The following ARHGAP32 variants were observed in gnomAD, a reference collection of about 807,000 sequenced individuals.
The protein encoded by ARHGAP32 is rho GTPase-activating protein 32.
Under a neutral mutation model 186.5 loss-of-function variants are expected in ARHGAP32, and 51 were observed. That is an observed-to-expected ratio of 0.27 (90% confidence interval 0.22 to 0.35). The LOEUF is 0.35. ARHGAP32 is among the 10% of genes least tolerant of loss of function. The pLI is 1.00. For missense variants in ARHGAP32, 2,186 were observed against 2,623.5 expected (o/e 0.83, Z 3.64); for synonymous variants, 950 against 964.3 (o/e 0.99, Z 0.27).
At chr11:129,245,008 A>C (rs922269060) in intron 1 of ARHGAP32, among the ~76,000 whole-genome samples, 16 of 152,064 alleles carry the variant, frequency 1.1e-4, no homozygotes, top group East Asian at 9.7e-4. Context: ...CTGGGACTGT[A>C]AACTAGTTCA....
intron 6 of ARHGAP32, among the ~76,000 whole-genome samples, chr11:129,074,883 T>C (rs1165305532): frequency 6.6e-6 from 1 of 152,142 alleles, no homozygotes; most frequent in Admixed American, 6.5e-5. Context: ...AAAAAGAGAA[T>C]TGATCATAAG....
At chr11:129,185,042 G>A (rs1179445428) in intron 1 of ARHGAP32, among the ~76,000 whole-genome samples, 1 of 152,176 alleles carries the variant, frequency 6.6e-6, no homozygotes, top group African/African-American at 2.4e-5. Context: ...AAGTAGGTGT[G>A]GCAATTCCTC....
chr11:129,069,910 G>T (rs1406196102), intron 6 of ARHGAP32, among the ~76,000 whole-genome samples: 1 of 151,898 alleles, frequency 6.6e-6, no homozygotes, highest in Non-Finnish European at 1.5e-5. Flanking sequence ...AGAGAAATTG[G>T]CTTTGCTTCT....
chr11:129,063,059 A>C (rs1298079504), intron 9 of ARHGAP32, among the ~76,000 whole-genome samples: 1 of 132,540 alleles, frequency 7.5e-6, no homozygotes, highest in African/African-American at 2.7e-5. Context: ...CTTCAATCAA[A>C]AGAAATGCTG....
In ARHGAP32 at chr11:128,986,633, G is replaced by A. The variant is rs139073654; in HGVS notation, c.1334C>T (p.Thr445Met). The change falls in exon 14 of 23, where the codon ACG (threonine) becomes ATG (methionine). Residue 445 changes from threonine (T) to methionine (M), a missense_variant. Transcript: ENST00000682385. ...EFDSEHVPDLTKEPYVQDIHS... is the reference protein window; with the variant it reads ...EFDSEHVPDLMKEPYVQDIHS... ...GATGTCCTGAACATACGGTTCTTTCGTCAGGTCGGGGACGTGCTCAGAGTC... is the reference window on the plus strand; with the variant it reads ...GATGTCCTGAACATACGGTTCTTTCATCAGGTCGGGGACGTGCTCAGAGTC... 28 of 1,614,054 alleles carry A rather than the reference G, an allele frequency of 1.7e-5. No individual in the cohort carries two copies. The highest frequency in any genetic ancestry group is 5.5e-5 in the South Asian group (5 of 91,078).
chr11:128,970,823 A>C lies in ARHGAP32; in HGVS notation c.4390T>G (p.Ser1464Ala). Residue 1464 changes from serine (S) to alanine (A), a missense_variant, in exon 23 of 23, where the codon TCT (serine) becomes GCT (alanine). Coordinates refer to ENST00000682385, the MANE Select transcript of ARHGAP32 (RefSeq NM_001378024.1). This position sits in a 1 kb window ranked among gnomAD's most constrained non-coding sequence, Gnocchi z 5.8. ...GGTAAAGGCAATGCATCGTCCACAG[A>C]GGTGGATGAAGCAGTGACAAAGGAA... is the stretch of plus-strand genomic sequence containing the variant. ...YHSFVTASST[S>A]VDDALPLPLP... is the part of the protein sequence containing the mutation. The C allele has an allele frequency of 6.2e-7, 1 of 1,614,186 alleles. No individual in the cohort carries two copies. Among genetic ancestry groups the C allele is most frequent in the South Asian group, 1.1e-5 (1 of 91,080 alleles).
chr11:129,047,745 C>T (rs1939873013), intron 10 of ARHGAP32, among the ~76,000 whole-genome samples: 1 of 152,178 alleles, frequency 6.6e-6, no homozygotes, highest in African/African-American at 2.4e-5. Context: ...TCTTTAGAGT[C>T]TCTGCCCAGT....
chr11:128,977,366 C>G (rs1337558461), intron 19 of ARHGAP32, among the ~76,000 whole-genome samples: 1 of 152,154 alleles, frequency 6.6e-6, no homozygotes, highest in African/African-American at 2.4e-5. Context: ...TTTTTAACCC[C>G]CTCCTCCCCT....
At chr11:129,266,940 T>C (rs1409507550) in intron 1 of ARHGAP32, among the ~76,000 whole-genome samples, 1 of 152,172 alleles carries the variant, frequency 6.6e-6, no homozygotes, top group African/African-American at 2.4e-5. Flanking sequence ...CAACAGTATT[T>C]ACAACCCTAG....
chr11:129,041,024 C>T lies in ARHGAP32; in HGVS notation c.964-15G>A, dbSNP rs1939569936. On this transcript the variant is annotated splice_polypyrimidine_tract_variant and intron_variant, in intron 10 of 22. Transcript: ENST00000682385. The stretch of plus-strand genomic sequence containing the variant: ...AAGAGTCCCACCTGATGAAAAGCAA[C>T]AAAGAAAGGATTCTAAACCAGCAAA... 1 of 1,569,794 alleles carries T rather than the reference C, an allele frequency of 6.4e-7. No individual in the cohort carries two copies. Among genetic ancestry groups the T allele is most frequent in the Non-Finnish European group, 8.7e-7 (1 of 1,152,772 alleles).
At chr11:129,015,669 A>G (rs1938304655) in intron 11 of ARHGAP32, among the ~76,000 whole-genome samples, 2 of 152,230 alleles carry the variant, frequency 1.3e-5, no homozygotes, top group Admixed American at 6.5e-5. Flanking sequence ...TTTCAAATTC[A>G]GAAATGGAAT....
intron 1 of ARHGAP32, among the ~76,000 whole-genome samples, chr11:129,182,217 C>G (rs1050998043): frequency 1.3e-5 from 2 of 152,054 alleles, no homozygotes; most frequent in African/African-American, 4.8e-5. Flanking sequence ...CTATTACAAA[C>G]AATGCTACAA....
At chr11:129,035,723 A>C (rs1217650683) in intron 11 of ARHGAP32, among the ~76,000 whole-genome samples, 1 of 152,134 alleles carries the variant, frequency 6.6e-6, no homozygotes, top group Non-Finnish European at 1.5e-5. Context: ...ATGTGTCTGT[A>C]ATCCCAGCTA....
chr11:129,060,538 AT>A (rs1486150084), intron 10 of ARHGAP32, among the ~76,000 whole-genome samples: 1 of 152,172 alleles, frequency 6.6e-6, no homozygotes, highest in Non-Finnish European at 1.5e-5. Context: ...TGACTCCTTA[AT>A]AGGAAAAAGA....
At chr11:129,017,008 C>A (rs921496980) in intron 11 of ARHGAP32, among the ~76,000 whole-genome samples, 4 of 152,130 alleles carry the variant, frequency 2.6e-5, no homozygotes, top group Admixed American at 1.3e-4. Context: ...ATTTTCTAAT[C>A]ATTTATTATT....
upstream of ARHGAP32, among the ~76,000 whole-genome samples, chr11:129,196,494 TACA>T (rs1344693387): frequency 1.3e-5 from 2 of 152,196 alleles, no homozygotes; most frequent in Admixed American, 6.5e-5. Flanking sequence ...ACGTAAATAC[TACA>T]ACATTTTATA....
intron 2 of ARHGAP32, among the ~76,000 whole-genome samples, chr11:129,162,682 C>T (rs1943554611): frequency 6.6e-6 from 1 of 152,162 alleles, no homozygotes; most frequent in Admixed American, 6.6e-5. Flanking sequence ...TTACGGAACA[C>T]TAAATGACTT....
rs1309359387 is a variant in ARHGAP32 at position 129,279,264 on chromosome 11, C to A, written c.-123G>T. On this transcript the variant is annotated 5_prime_UTR_variant, in exon 1 of 7. Coordinates refer to the ARHGAP32 transcript ENST00000525234. Reference sequence around the variant, plus strand: ...GCCCGCCGCCGCCGCCGCCGAGCGCCGCCCGCGCCGCCGAGCCTAGCGCCT... The same window carrying A: ...GCCCGCCGCCGCCGCCGCCGAGCGCAGCCCGCGCCGCCGAGCCTAGCGCCT... The A allele has an allele frequency of 5.1e-4, 73 of 144,534 alleles. No homozygotes were observed. In the East Asian group the frequency reaches 0.013, roughly 25 times the overall value. The allele number at this position is 144,534 out of a possible 1,614,324, so 9.0% of individuals were successfully genotyped here.
intron 1 of ARHGAP32, among the ~76,000 whole-genome samples, chr11:129,251,757 C>G (rs1424488617): frequency 7.5e-6 from 1 of 132,576 alleles, no homozygotes; most frequent in East Asian, 2.2e-4. Context: ...AACCCCGACT[C>G]TATTAAAAAT....
Sources: gnomAD v4.1 joint callset for allele counts (sites outside exome capture counted in the v4.1 genomes callset) on GRCh38, gnomAD v4.1.1 for gene constraint, Gnocchi (gnomAD v3.1) non-coding constraint, MANE v1.5 for transcripts, NCBI Gene and HGNC (gene_info 2026-07-23, HGNC 2026-07-21) for gene names.